The following PALM2AKAP2 variants were observed in gnomAD, a reference collection of about 807,000 sequenced individuals.
PALM2AKAP2 encodes PALM2 and AKAP2 fusion, also known as PALM2-AKAP2 fusion protein.
Under a neutral mutation model 71.5 loss-of-function variants are expected in PALM2AKAP2, and 37 were observed. The ratio of observed to expected loss-of-function variants is 0.52; its 90% CI spans 0.40 to 0.68. The LOEUF (loss-of-function observed/expected upper bound fraction) is 0.68. PALM2AKAP2 is among the 30% of genes least tolerant of loss of function. The probability of loss-of-function intolerance (pLI) is 0.00; values close to 1 mark genes in which losing one functional copy is unlikely to be tolerated. For synonymous variants in PALM2AKAP2, 468 were observed against 478.8 expected, an observed-to-expected ratio of 0.98 and a Z score of 0.29; for missense variants, 1,224 against 1,191.8, an observed-to-expected ratio of 1.03 and a Z score of -0.40.
At chr9:110,001,774 C>G (rs1261677360) in intron 6 of PALM2AKAP2, among the ~76,000 whole-genome samples, 1 of 152,156 alleles carries the variant, frequency 6.6e-6, no homozygotes. Context: ...CTCTTCGAAG[C>G]AATTGTGAAT....
intron 3 of PALM2AKAP2, among the ~76,000 whole-genome samples, chr9:110,161,399 T>C (rs781321358): frequency 3.9e-5 from 6 of 152,142 alleles, no homozygotes; most frequent in Admixed American, 1.3e-4. Flanking sequence ...AGTCAGGCCA[T>C]TTTTTTCTGT....
intron 6 of PALM2AKAP2, among the ~76,000 whole-genome samples, chr9:109,933,321 A>T (rs1260437549): frequency 6.6e-6 from 1 of 152,216 alleles, no homozygotes; most frequent in Non-Finnish European, 1.5e-5. Context: ...AACTTAGGTA[A>T]AATGTGTTTA....
chr9:110,032,730 AT>A (rs1833306406), intron 7 of PALM2AKAP2, among the ~76,000 whole-genome samples: 5 of 146,230 alleles, frequency 3.4e-5, no homozygotes, highest in Non-Finnish European at 4.5e-5. Flanking sequence ...AAATAAATAA[AT>A]AAATAAATAA....
intron 3 of PALM2AKAP2, among the ~76,000 whole-genome samples, chr9:110,157,455 T>C (rs571054619): frequency 1.3e-5 from 2 of 152,086 alleles, no homozygotes; most frequent in South Asian, 4.1e-4. Context: ...CTGGAATGCA[T>C]TGATGTAATC....
intron 3 of PALM2AKAP2, among the ~76,000 whole-genome samples, chr9:110,159,708 C>T (rs141662996): frequency 5.9e-5 from 9 of 152,230 alleles, no homozygotes; most frequent in Non-Finnish European, 1.0e-4. Flanking sequence ...CTGATCTTTG[C>T]CATCAAAACA....
At chr9:109,961,353 T>C (rs1202229354) in intron 6 of PALM2AKAP2, among the ~76,000 whole-genome samples, 2 of 152,238 alleles carry the variant, frequency 1.3e-5, no homozygotes, top group Non-Finnish European at 2.9e-5. Flanking sequence ...TCCTTGATTT[T>C]CTCCAGTGAA....
intron 1 of PALM2AKAP2, among the ~76,000 whole-genome samples, chr9:109,783,515 T>C (rs933088415): frequency 1.3e-5 from 2 of 152,076 alleles, no homozygotes; most frequent in Non-Finnish European, 2.9e-5. Context: ...CCCAGGCTGG[T>C]CTGGAACTCC....
intron 7 of PALM2AKAP2, among the ~76,000 whole-genome samples, chr9:110,029,273 C>T (rs1389412243): frequency 1.3e-5 from 2 of 152,178 alleles, no homozygotes; most frequent in Non-Finnish European, 2.9e-5. Flanking sequence ...ATTCTAGGAT[C>T]TTCTTTTTAG....
At chr9:110,006,131 A>G (rs140916702) in intron 6 of PALM2AKAP2, among the ~76,000 whole-genome samples, 2,820 of 152,174 alleles carry the variant, frequency 0.019, 99 homozygotes, top group African/African-American at 0.065. Flanking sequence ...GCTGGGAGCT[A>G]TAGACTGGAG....
chr9:109,722,772 A>G (rs2118637928), intron 1 of PALM2AKAP2, among the ~76,000 whole-genome samples: 1 of 152,344 alleles, frequency 6.6e-6, no homozygotes, highest in East Asian at 1.9e-4. Flanking sequence ...ACCCTGTCTC[A>G]TAAATAAATA....
chr9:109,806,675 A>T (rs1445099627), intron 1 of PALM2AKAP2, among the ~76,000 whole-genome samples: 4 of 152,178 alleles, frequency 2.6e-5, no homozygotes, highest in Non-Finnish European at 5.9e-5. Context: ...CTTCTGGTGG[A>T]AGGAACAGCA....
chr9:110,132,266 G>A (rs978213009), intron 1 of PALM2AKAP2, among the ~76,000 whole-genome samples: 1 of 152,066 alleles, frequency 6.6e-6, no homozygotes, highest in Non-Finnish European at 1.5e-5. Context: ...TGTTGGCCAG[G>A]CTGGTGTCGA....
chr9:109,955,582 AGTCTTT>A (rs1483450599), intron 6 of PALM2AKAP2, among the ~76,000 whole-genome samples: 1 of 152,182 alleles, frequency 6.6e-6, no homozygotes, highest in Admixed American at 6.5e-5. Context: ...CCTAATCCTT[AGTCTTT>A]GATTGTGTTC....
intron 1 of PALM2AKAP2, among the ~76,000 whole-genome samples, chr9:110,081,055 C>T (rs906282812): frequency 2.6e-5 from 4 of 152,170 alleles, no homozygotes; most frequent in African/African-American, 7.2e-5. Context: ...GTTTGTGTTA[C>T]AATATTTTGA....
chr9:109,674,433 A>G (rs990771083), intron 1 of PALM2AKAP2, among the ~76,000 whole-genome samples: 2 of 151,998 alleles, frequency 1.3e-5, no homozygotes, highest in African/African-American at 2.4e-5. Flanking sequence ...TATATTGAGG[A>G]GACCTGGGAT....
At chr9:109,808,208 GCT>G (rs1245701781) in intron 1 of PALM2AKAP2, among the ~76,000 whole-genome samples, 1 of 152,210 alleles carries the variant, frequency 6.6e-6, no homozygotes, top group East Asian at 1.9e-4. Flanking sequence ...AGTTTGGAGT[GCT>G]CAGAAGAAGT....
chr9:109,998,368 G>A (rs1293774925), intron 6 of PALM2AKAP2, among the ~76,000 whole-genome samples: 1 of 152,166 alleles, frequency 6.6e-6, no homozygotes, highest in African/African-American at 2.4e-5. Flanking sequence ...TTCCTTTGCT[G>A]TGTCTATGAC....
At chr9:109,953,853 AAAG>A (rs1831693498) in intron 6 of PALM2AKAP2, among the ~76,000 whole-genome samples, 1 of 151,380 alleles carries the variant, frequency 6.6e-6, no homozygotes, top group Non-Finnish European at 1.5e-5. Context: ...AAAAAAAAAA[AAAG>A]AAAAGAAAGT....
In PALM2AKAP2 at chr9:109,696,659, A is replaced by G. The variant is rs190369481; in HGVS notation, c.5+55793A>G. 1.2e-3 allele frequency among the ~76,000 whole-genome samples: 179 copies of G among 152,288 alleles called. 1 individual carries two copies. Among genetic ancestry groups the G allele is most frequent in the African/African-American group, 4.0e-3 (168 of 41,570 alleles). On this transcript the variant is annotated intron_variant, in intron 1 of 6. Transcript: ENST00000374531. ...TATCAGCATTGCCTGTCCTTACAAA[A>G]TTGGAAAGGACCTAATATCCAATGT...
Sources: allele counts gnomAD v4.1 joint callset (sites outside exome capture counted in the v4.1 genomes callset), GRCh38; gene constraint gnomAD v4.1.1; transcripts MANE v1.5; gene names NCBI Gene and HGNC (gene_info 2026-07-23, HGNC 2026-07-21).